Variants in CSNK1A1 observed in about 807,000 individuals in gnomAD.
CSNK1A1 encodes the protein casein kinase 1 alpha 1.
Under a neutral mutation model 46.1 loss-of-function variants are expected in CSNK1A1, and 7 were observed. The ratio of observed to expected loss-of-function variants is 0.15; its 90% CI spans 0.09 to 0.29. The LOEUF is 0.29. Ranked by LOEUF, CSNK1A1 falls within the 10% of genes least tolerant of loss-of-function variation. CSNK1A1 has a pLI of 1.00. For missense variants in CSNK1A1, 96 were observed against 417.1 expected (o/e 0.23, Z 6.71); for synonymous variants, 137 against 141.5 (o/e 0.97, Z 0.23).
rs1760641318 is a variant in CSNK1A1, at chr5:149,495,894, T to C, written c.*959A>G. Reference sequence around the variant, plus strand: ...AAAGGAATACCATGTAACAAATGGCTTGAAGTAGTCTATCAAAAAATTGGG... The same window carrying C: ...AAAGGAATACCATGTAACAAATGGCCTGAAGTAGTCTATCAAAAAATTGGG... On this transcript the variant is annotated 3_prime_UTR_variant, in exon 10 of 10. Coordinates refer to ENST00000377843, the MANE Select transcript of CSNK1A1 (RefSeq NM_001892.6). The C allele has an allele frequency of 6.6e-6, 1 of 152,586 alleles. No homozygotes were observed. The highest frequency in any genetic ancestry group is 2.4e-5 in the African/African-American group (1 of 41,442). 9.5% of individuals were successfully genotyped at this position (152,586 alleles called of 1,614,324 possible).
chr5:149,533,954 T>C (rs1393691653), intron 2 of CSNK1A1, among the ~76,000 whole-genome samples: 3 of 152,310 alleles, frequency 2.0e-5, no homozygotes, highest in Admixed American at 1.3e-4. Context: ...TGACTGACAA[T>C]GGGTTCAAGA....
intron 2 of CSNK1A1, among the ~76,000 whole-genome samples, chr5:149,535,879 C>G (rs1000071421): frequency 1.4e-4 from 22 of 152,166 alleles, no homozygotes; most frequent in Non-Finnish European, 2.5e-4. Context: ...CTCCTGACCT[C>G]AAGTGATCCA....
chr5:149,550,421 A>G lies in CSNK1A1; in HGVS notation c.124-240T>C, dbSNP rs1261135533. 5 of 1,238,420 alleles carry G rather than the reference A, an allele frequency of 4.0e-6. No homozygotes were observed. The highest frequency in any genetic ancestry group is 4.2e-6 in the Non-Finnish European group (4 of 961,776). The allele number at this position is 1,238,420 out of a possible 1,614,324, so 76.7% of individuals were successfully genotyped here. On this transcript the variant is annotated intron_variant, in intron 1 of 9. Coordinates refer to ENST00000377843, the MANE Select transcript of CSNK1A1 (RefSeq NM_001892.6). This position sits in a 1 kb window ranked among gnomAD's most constrained non-coding sequence, Gnocchi z 4.3. ...GGAAAATGATTCATCCAGAAAAAAG[A>G]GGCAACCTCTGAACGTAGTGAGAGG...
At chr5:149,533,616 C>T (rs1374563274) in intron 2 of CSNK1A1, among the ~76,000 whole-genome samples, 2 of 151,588 alleles carry the variant, frequency 1.3e-5, no homozygotes, top group East Asian at 1.9e-4. Flanking sequence ...AGTTATTTTC[C>T]CCGTAATACC....
At chr5:149,528,828 T>C (rs1458066350) in intron 2 of CSNK1A1, among the ~76,000 whole-genome samples, 2 of 152,238 alleles carry the variant, frequency 1.3e-5, no homozygotes, top group African/African-American at 2.4e-5. Flanking sequence ...TTTATTTGAA[T>C]AGCCTTTTCA....
chr5:149,513,281 G>T, intron 4 of CSNK1A1, 72 bp from the exon 5 acceptor site: 1 of 1,382,194 alleles, frequency 7.2e-7, no homozygotes, highest in Non-Finnish European at 1.0e-6. Flanking sequence ...TTCATTAAAT[G>T]GTATCTATTC....
intron 7 of CSNK1A1, among the ~76,000 whole-genome samples, chr5:149,507,636 T>C (rs1761078689): frequency 6.6e-6 from 1 of 152,064 alleles, no homozygotes. Flanking sequence ...TAATTTTTTG[T>C]ATTTTTTAGT....
At chr5:149,529,872 C>T (rs140930923) in intron 2 of CSNK1A1, among the ~76,000 whole-genome samples, 174 of 152,114 alleles carry the variant, frequency 1.1e-3, no homozygotes, top group African/African-American at 4.0e-3. Flanking sequence ...AAGTGTTATA[C>T]TATAGCCGGA....
At chr5:149,499,043 T>C in intron 9 of CSNK1A1, 3 of 985,448 alleles carry the variant, frequency 3.0e-6, no homozygotes, top group Non-Finnish European at 3.6e-6. Flanking sequence ...TGGTATGACA[T>C]TCCAGCCAGG....
chr5:149,516,186 G>A (rs1761394728), intron 4 of CSNK1A1, among the ~76,000 whole-genome samples: 2 of 152,122 alleles, frequency 1.3e-5, no homozygotes, highest in Admixed American at 6.5e-5. Flanking sequence ...CGGGCATGGT[G>A]GCGCATACCT....
chr5:149,513,897 C>G (rs1761314823), intron 4 of CSNK1A1, among the ~76,000 whole-genome samples: 2 of 132,352 alleles, frequency 1.5e-5, no homozygotes, highest in African/African-American at 5.4e-5. Context: ...AAAACTCTTT[C>G]TTAAAAAAAA....
chr5:149,526,162 C>A (rs950842922), intron 2 of CSNK1A1, among the ~76,000 whole-genome samples: 36 of 152,134 alleles, frequency 2.4e-4, no homozygotes, highest in African/African-American at 8.0e-4. Flanking sequence ...TATTTTTAGA[C>A]AAGGTCTCGC....
intron 2 of CSNK1A1, among the ~76,000 whole-genome samples, chr5:149,532,463 C>T (rs1352280015): frequency 6.6e-6 from 1 of 151,814 alleles, no homozygotes; most frequent in Non-Finnish European, 1.5e-5. Context: ...GAGGTCGAGG[C>T]AGATGGATCA....
At chr5:149,500,753 G>C (rs138048830) in intron 9 of CSNK1A1, among the ~76,000 whole-genome samples, 11 of 151,154 alleles carry the variant, frequency 7.3e-5, no homozygotes, top group Non-Finnish European at 1.2e-4. Context: ...TTGTTGCACA[G>C]AATTAAGCTT....
At chr5:149,498,356 C>G in intron 9 of CSNK1A1, 3 of 985,252 alleles carry the variant, frequency 3.0e-6, no homozygotes, top group Non-Finnish European at 3.6e-6. Context: ...TGAGAATATA[C>G]TTCACCATAG....
At position 149,494,546 on chromosome 5, in the gene CSNK1A1, T is replaced by C. The variant is rs1487396745; in HGVS notation, c.*2307A>G. 6.6e-6 allele frequency: 1 copy of C among 152,216 alleles called. No homozygotes were observed. Among genetic ancestry groups the C allele is most frequent in the African/African-American group, 2.4e-5 (1 of 41,446 alleles). 9.4% of individuals were successfully genotyped at this position (152,216 alleles called of 1,614,324 possible). A position where few individuals can be genotyped will look rare whatever the true frequency, so the allele number is the denominator to read the frequency against. ...CTTCCAATTTCAGAGTGATGTGTCTTCAACTTGTATCATCATTTTAGCGGA... is the reference window on the plus strand; with the variant it reads ...CTTCCAATTTCAGAGTGATGTGTCTCCAACTTGTATCATCATTTTAGCGGA... On this transcript the variant is annotated 3_prime_UTR_variant, in exon 10 of 10. Transcript: ENST00000377843.
At chr5:149,547,832 C>G (rs1382509866) in intron 2 of CSNK1A1, among the ~76,000 whole-genome samples, 3 of 151,920 alleles carry the variant, frequency 2.0e-5, no homozygotes, top group South Asian at 2.1e-4. Flanking sequence ...TCCATTAAAA[C>G]TGTAAATCAG....
intron 2 of CSNK1A1, among the ~76,000 whole-genome samples, chr5:149,541,033 T>C (rs908098392): frequency 2.0e-5 from 3 of 151,612 alleles, no homozygotes; most frequent in Admixed American, 2.0e-4. Context: ...TGAGCCAAGA[T>C]TGCGCCACTG....
chr5:149,541,969 T>G (rs1348301092), intron 2 of CSNK1A1, among the ~76,000 whole-genome samples: 1 of 32,832 alleles, frequency 3.0e-5, no homozygotes, highest in Non-Finnish European at 5.2e-5. Context: ...AGACTGCATC[T>G]CAAAAAAAAA....
Sources: gnomAD v4.1 joint callset for allele counts (sites outside exome capture counted in the v4.1 genomes callset) on GRCh38, gnomAD v4.1.1 for gene constraint, Gnocchi (gnomAD v3.1) non-coding constraint, MANE v1.5 for transcripts, NCBI Gene and HGNC (gene_info 2026-07-23, HGNC 2026-07-21) for gene names.